Variants in REPS1 observed in about 807,000 individuals in gnomAD.
The protein encoded by REPS1 is ralBP1-associated Eps domain-containing protein 1.
Under a neutral mutation model 100.9 loss-of-function variants are expected in REPS1, and 39 were observed. That is an observed-to-expected ratio of 0.39 (90% confidence interval 0.30 to 0.50). The LOEUF (loss-of-function observed/expected upper bound fraction) is 0.50. Ranked by LOEUF, REPS1 falls within the 20% of genes least tolerant of loss-of-function variation. REPS1 has a pLI of 0.86. For missense variants in REPS1, 821 were observed against 968.5 expected (o/e 0.85, Z 2.02); for synonymous variants, 324 against 340.3 (o/e 0.95, Z 0.53).
chr6:138,924,665 G>A (rs1416025013), intron 10 of REPS1, among the ~76,000 whole-genome samples: 1 of 152,004 alleles, frequency 6.6e-6, no homozygotes, highest in Non-Finnish European at 1.5e-5. Context: ...TAGCTTAACT[G>A]TACAATAATG....
intron 1 of REPS1, among the ~76,000 whole-genome samples, chr6:138,964,578 A>G (rs1294310984): frequency 6.6e-6 from 1 of 152,088 alleles, no homozygotes; most frequent in Non-Finnish European, 1.5e-5. Context: ...CACAATGTAT[A>G]CATATTTCAA....
chr6:138,971,442 CTG>C (rs1452172074), intron 1 of REPS1, among the ~76,000 whole-genome samples: 11 of 151,630 alleles, frequency 7.3e-5, no homozygotes, highest in African/African-American at 2.7e-4. Flanking sequence ...CACTGGAACT[CTG>C]TAGAAGTTTT....
chr6:138,920,763 C>T (rs1307190040), intron 11 of REPS1, among the ~76,000 whole-genome samples: 1 of 152,112 alleles, frequency 6.6e-6, no homozygotes, highest in African/African-American at 2.4e-5. Context: ...AAAGTTTTAA[C>T]ATATTTTAAA....
rs140387177 is a variant in REPS1, at chr6:138,912,809, C to T, written c.1927G>A (p.Asp643Asn). ...FEVFAASNVNDEQDDEAEKHP... is the reference protein window; with the variant it reads ...FEVFAASNVNNEQDDEAEKHP... ...TTCTCGGCTTCATCATCTTGTTCGTCGTTTACATTTGATGCAGCAAATACT... is the reference window on the plus strand; with the variant it reads ...TTCTCGGCTTCATCATCTTGTTCGTTGTTTACATTTGATGCAGCAAATACT... Residue 643 changes from aspartate (D) to asparagine (N), a missense_variant, in exon 16 of 20, where the codon GAC becomes AAC. This residue lies in a region of REPS1 where 757 missense variants were observed against 866.4 expected (regional missense o/e 0.87). Coordinates refer to ENST00000450536, the MANE Select transcript of REPS1 (RefSeq NM_001286611.2). 8.6e-4 allele frequency: 1,395 copies of T among 1,614,090 alleles called. 13 individuals are homozygous for T. The Middle Eastern group carries it at 0.021, about 24-fold the overall frequency.
chr6:138,905,274 T>A lies in REPS1; in HGVS notation c.2323-142A>T, dbSNP rs563906526. The A allele has an allele frequency of 1.9e-5, 11 of 594,412 alleles. No individual in the cohort carries two copies. The South Asian group carries it at 2.4e-4, about 13-fold the overall frequency. 36.8% of individuals were successfully genotyped at this position (594,412 alleles called of 1,614,324 possible). A position where few individuals can be genotyped will look rare whatever the true frequency, so the allele number is the denominator to read the frequency against. On this transcript the variant is annotated intron_variant, in intron 19 of 19. Transcript: ENST00000450536. ...CTTATTCATATTTTAAAAGTATACTTCACTTTAGAAATGTAGTTTCTTTTT... is the reference window on the plus strand; with the variant it reads ...CTTATTCATATTTTAAAAGTATACTACACTTTAGAAATGTAGTTTCTTTTT...
chr6:138,921,381 T>C (rs1780742757), intron 10 of REPS1, among the ~76,000 whole-genome samples: 1 of 151,132 alleles, frequency 6.6e-6, no homozygotes, highest in African/African-American at 2.4e-5. Flanking sequence ...ACATGAAGGC[T>C]GGGCACTGAC....
At chr6:138,983,537 T>C (rs890693872) in intron 1 of REPS1, among the ~76,000 whole-genome samples, 1 of 152,136 alleles carries the variant, frequency 6.6e-6, no homozygotes, top group Non-Finnish European at 1.5e-5. Context: ...AGTTCTTCCA[T>C]GAAAATGATT....
chr6:138,985,801 A>C (rs1399368059), intron 1 of REPS1, among the ~76,000 whole-genome samples: 1 of 152,218 alleles, frequency 6.6e-6, no homozygotes, highest in East Asian at 1.9e-4. Context: ...CATTAATGCT[A>C]ATGTGTCTGT....
chr6:138,906,592 G>A (rs1292333620), intron 19 of REPS1, among the ~76,000 whole-genome samples: 1 of 152,162 alleles, frequency 6.6e-6, no homozygotes, highest in African/African-American at 2.4e-5. Context: ...AATAATTCCA[G>A]GACAGTGTAA....
rs916492377 is a variant in REPS1 at position 138,987,432 on chromosome 6, C to T, written c.153+98G>A. 6.9e-5 allele frequency: 88 copies of T among 1,269,866 alleles called. No homozygotes were observed. In the African/African-American group the frequency reaches 1.3e-3, roughly 19 times the overall value. The allele number at this position is 1,269,866 out of a possible 1,614,324, so 78.7% of individuals were successfully genotyped here. On this transcript the variant is annotated intron_variant, in intron 1 of 19. Coordinates refer to ENST00000450536, the MANE Select transcript of REPS1 (RefSeq NM_001286611.2). ...CTGCGGGGACCCCCCGAGGAACCAGCCCCCCGCCGGGCCCCAAGGAATCGG... is the reference window on the plus strand; with the variant it reads ...CTGCGGGGACCCCCCGAGGAACCAGTCCCCCGCCGGGCCCCAAGGAATCGG...
In REPS1 at chr6:138,988,051, CTCCCTGCCGAT is replaced by C. The variant is rs1431932613; in HGVS notation, c.-380_-370del. 2 of 397,644 alleles carry C rather than the reference CTCCCTGCCGAT, an allele frequency of 5.0e-6. No homozygotes were observed. Among genetic ancestry groups the C allele is most frequent in the Non-Finnish European group, 8.9e-6 (2 of 225,540 alleles). The allele number at this position is 397,644 out of a possible 1,614,324, so 24.6% of individuals were successfully genotyped here. On this transcript the variant is annotated 5_prime_UTR_variant, in exon 1 of 20. Coordinates refer to ENST00000450536, the MANE Select transcript of REPS1 (RefSeq NM_001286611.2). Reference sequence around the variant, plus strand: ...CCGCCGCGGGTTCGAGTCTCCCCGGCTCCCTGCCGATTCCCCCAGACTTCCCGCCTCGGCTT... The same window carrying C: ...CCGCCGCGGGTTCGAGTCTCCCCGGCTCCCCCAGACTTCCCGCCTCGGCTT...
At chr6:138,917,677 T>G in intron 12 of REPS1, 50 bp from the exon 13 acceptor site, 2 of 1,473,248 alleles carry the variant, frequency 1.4e-6, no homozygotes, top group African/African-American at 2.8e-5. Flanking sequence ...CTTTACTTTT[T>G]GCTCTATCTA....
intron 1 of REPS1, among the ~76,000 whole-genome samples, chr6:138,966,995 G>A (rs76369120): frequency 0.025 from 3,734 of 152,322 alleles, 141 homozygotes; most frequent in African/African-American, 0.085. Context: ...CAACAGTGTT[G>A]AGAGGCAGGA....
At chr6:138,944,255 A>G (rs79876738) in intron 5 of REPS1, among the ~76,000 whole-genome samples, 3,373 of 152,334 alleles carry the variant, frequency 0.022, 133 homozygotes, top group African/African-American at 0.077. Context: ...TAAGAAAGCC[A>G]AGCAAATATA....
At chr6:138,950,860 T>A (rs1442958104) in intron 1 of REPS1, among the ~76,000 whole-genome samples, 1 of 152,198 alleles carries the variant, frequency 6.6e-6, no homozygotes, top group Non-Finnish European at 1.5e-5. Flanking sequence ...TCATTAAGCA[T>A]GATACTGGCT....
chr6:138,972,954 A>G (rs910127646), intron 1 of REPS1, among the ~76,000 whole-genome samples: 9 of 152,228 alleles, frequency 5.9e-5, no homozygotes, highest in African/African-American at 1.7e-4. Flanking sequence ...CTGATGAGGA[A>G]TGAAGTTCTA....
intron 19 of REPS1, 123 bp from the exon 20 acceptor site, chr6:138,905,255 C>A: frequency 1.6e-6 from 1 of 625,064 alleles, no homozygotes; most frequent in Non-Finnish European, 2.8e-6. Context: ...AGAGCTTATT[C>A]ATATTTTAAA....
At chr6:138,971,312 C>T (rs1020529203) in intron 1 of REPS1, among the ~76,000 whole-genome samples, 3 of 152,066 alleles carry the variant, frequency 2.0e-5, no homozygotes, top group South Asian at 2.1e-4. Context: ...GTAATTCTGA[C>T]GTGGCACATG....
intron 10 of REPS1, among the ~76,000 whole-genome samples, chr6:138,925,726 C>T (rs1198010523): frequency 2.0e-5 from 3 of 150,426 alleles, no homozygotes; most frequent in Non-Finnish European, 4.4e-5. Flanking sequence ...GGGAGAAGAA[C>T]GATTAACAGC....
Sources: gnomAD v4.1 joint callset for allele counts (sites outside exome capture counted in the v4.1 genomes callset) on GRCh38, gnomAD v4.1.1 for gene constraint, gnomAD v4.1.1 regional missense constraint, MANE v1.5 for transcripts, NCBI Gene and HGNC (gene_info 2026-07-23, HGNC 2026-07-21) for gene names.